ATRNL1: variants seen among roughly 807,000 people sequenced by gnomAD.
The protein encoded by ATRNL1 is attractin like 1.
A neutral mutation model predicts 182.7 loss-of-function variants in ATRNL1; 95 were observed. The ratio of observed to expected loss-of-function variants is 0.52; its 90% confidence interval spans 0.44 to 0.62. The LOEUF (loss-of-function observed/expected upper bound fraction) is 0.62. Among genes scored for constraint, ATRNL1 ranks in the 20% least tolerant of loss-of-function variants. The pLI is 0.00. For synonymous variants in ATRNL1, 576 were observed against 568.3 expected (o/e 1.01, Z -0.19); for missense variants, 1,471 against 1,679.5 (o/e 0.88, Z 2.17).
intron 27 of ATRNL1, among the ~76,000 whole-genome samples, chr10:115,822,137 G>A (rs191186858): frequency 2.0e-4 from 31 of 152,174 alleles, no homozygotes; most frequent in Admixed American, 4.6e-4. Context: ...ACTCAAAACC[G>A]CACAACTACA....
At chr10:115,228,149 T>C (rs1849772193) in intron 9 of ATRNL1, among the ~76,000 whole-genome samples, 1 of 152,150 alleles carries the variant, frequency 6.6e-6, no homozygotes, top group Non-Finnish European at 1.5e-5. Context: ...AGAGGGTCAA[T>C]TTTTTATGTA....
chr10:115,826,635 G>A (rs1321817657), intron 27 of ATRNL1, among the ~76,000 whole-genome samples: 2 of 152,116 alleles, frequency 1.3e-5, no homozygotes, highest in African/African-American at 2.4e-5. Context: ...CACGGACACC[G>A]GAGAGCGAGT....
chr10:115,524,274 T>C (rs915610340), intron 25 of ATRNL1, among the ~76,000 whole-genome samples: 4 of 152,226 alleles, frequency 2.6e-5, no homozygotes, highest in African/African-American at 7.2e-5. Flanking sequence ...GGATCAAATA[T>C]CCAAACTATA....
intron 27 of ATRNL1, among the ~76,000 whole-genome samples, chr10:115,829,023 G>C (rs1357931134): frequency 6.6e-6 from 1 of 151,672 alleles, no homozygotes; most frequent in Non-Finnish European, 1.5e-5. Context: ...TTCTGCAGAT[G>C]GGCATTATTT....
chr10:115,908,416 A>G (rs1358953747), intron 28 of ATRNL1, among the ~76,000 whole-genome samples: 1 of 151,906 alleles, frequency 6.6e-6, no homozygotes, highest in Non-Finnish European at 1.5e-5. Flanking sequence ...ACCTTCCTGC[A>G]TCTTCAAAAC....
rs989506838 is a variant in ATRNL1, at chr10:115,394,047, A to T, written c.3176-612A>T. ...AAGGGTGAATTTAGAGGAAATAAAT[A>T]GATGTTCTTTTTTAAAACACAATCT... On this transcript the variant is annotated intron_variant, in intron 19 of 28. Transcript: ENST00000355044. Among the ~76,000 whole-genome samples, 4 of 152,092 alleles carry T rather than the reference A, an allele frequency of 2.6e-5. No individual in the cohort carries two copies. The South Asian group carries it at 8.3e-4, about 31-fold the overall frequency.
At chr10:115,197,542 C>G (rs1319986974) in intron 8 of ATRNL1, among the ~76,000 whole-genome samples, 1 of 151,916 alleles carries the variant, frequency 6.6e-6, no homozygotes, top group African/African-American at 2.4e-5. Context: ...ATAGAGATAT[C>G]CAGGTTCAAA....
intron 13 of ATRNL1, among the ~76,000 whole-genome samples, chr10:115,272,717 A>G (rs1329493568): frequency 3.3e-5 from 5 of 152,160 alleles, no homozygotes; most frequent in African/African-American, 1.2e-4. Flanking sequence ...CCCTTCTGTC[A>G]GCCTTGCAAG....
At chr10:115,765,050 A>G (rs1414884150) in intron 27 of ATRNL1, among the ~76,000 whole-genome samples, 2 of 152,108 alleles carry the variant, frequency 1.3e-5, no homozygotes, top group Non-Finnish European at 2.9e-5. Context: ...TGGATATATC[A>G]CAGTTTATTT....
intron 27 of ATRNL1, among the ~76,000 whole-genome samples, chr10:115,788,268 T>C (rs1211721626): frequency 1.3e-5 from 2 of 152,226 alleles, no homozygotes; most frequent in African/African-American, 2.4e-5. Flanking sequence ...AATTCTGAAC[T>C]TCCCCATAGA....
chr10:115,526,855 G>A (rs993459090), intron 25 of ATRNL1, among the ~76,000 whole-genome samples: 6 of 152,138 alleles, frequency 3.9e-5, no homozygotes, highest in African/African-American at 9.7e-5. Flanking sequence ...AAGGGAAGGT[G>A]AGTGAAAGAG....
chr10:115,428,728 T>G (rs1554963410), intron 21 of ATRNL1, among the ~76,000 whole-genome samples: 1 of 152,102 alleles, frequency 6.6e-6, no homozygotes, highest in Non-Finnish European at 1.5e-5. Flanking sequence ...TACTACCATT[T>G]TTGTCCATTC....
At position 115,302,044 on chromosome 10, in the gene ATRNL1, G is replaced by A. The variant is rs370774879; in HGVS notation, c.2818+1G>A. On this transcript the variant is annotated splice_donor_variant, in intron 17 of 28. Coordinates refer to ENST00000355044, the MANE Select transcript of ATRNL1 (RefSeq NM_207303.4). LOFTEE classifies it high-confidence loss of function. ...GAGTGGCAAACTGCCACCTGCTCCC[G>A]TAAGTATTTATCTAGAGTGACTTTT... 6.2e-6 allele frequency: 10 copies of A among 1,609,866 alleles called. No individual in the cohort carries two copies. The highest frequency in any genetic ancestry group is 1.7e-4 in the Middle Eastern group (1 of 6,042).
chr10:115,449,026 T>C (rs1198736901), intron 21 of ATRNL1, among the ~76,000 whole-genome samples: 1 of 152,228 alleles, frequency 6.6e-6, no homozygotes, highest in Non-Finnish European at 1.5e-5. Flanking sequence ...GATACTCATA[T>C]GGACAGGAGG....
chr10:115,712,775 C>T (rs1947100184), intron 26 of ATRNL1, among the ~76,000 whole-genome samples: 2 of 150,910 alleles, frequency 1.3e-5, no homozygotes, highest in Admixed American at 1.3e-4. Flanking sequence ...GGCTGAGGCA[C>T]GATGATCGCT....
intron 10 of ATRNL1, among the ~76,000 whole-genome samples, chr10:115,244,048 G>A (rs1055777540): frequency 6.6e-6 from 1 of 151,996 alleles, no homozygotes; most frequent in Non-Finnish European, 1.5e-5. Flanking sequence ...TTTTCCTCAT[G>A]GAGTATGTTT....
intron 18 of ATRNL1, among the ~76,000 whole-genome samples, chr10:115,317,915 A>G (rs1290075888): frequency 3.9e-5 from 6 of 152,200 alleles, no homozygotes; most frequent in African/African-American, 1.4e-4. Flanking sequence ...AGCCCTTGCC[A>G]GAACTTCTAG....
chr10:115,890,588 G>A (rs992414954), intron 28 of ATRNL1, among the ~76,000 whole-genome samples: 9 of 152,094 alleles, frequency 5.9e-5, no homozygotes, highest in East Asian at 1.9e-4. Context: ...TACCTGCAAC[G>A]GGAAAAGATT....
intron 1 of ATRNL1, among the ~76,000 whole-genome samples, chr10:115,107,150 C>T (rs1250407683): frequency 1.3e-5 from 2 of 152,170 alleles, no homozygotes. Context: ...CTCAGTCCAG[C>T]ACCAACTCAA....
Sources: allele counts gnomAD v4.1 joint callset (sites outside exome capture counted in the v4.1 genomes callset), GRCh38; gene constraint gnomAD v4.1.1; transcripts MANE v1.5; gene names NCBI Gene and HGNC (gene_info 2026-07-23, HGNC 2026-07-21).